MOB1A: variants seen among roughly 807,000 people sequenced by gnomAD.
MOB1A encodes MOB kinase activator 1A.
A neutral mutation model predicts 25.1 loss-of-function variants in MOB1A; 10 were observed. That is an observed-to-expected ratio of 0.40 (90% CI 0.25 to 0.68). MOB1A has a LOEUF of 0.68. Among genes scored for constraint, MOB1A ranks in the 30% least tolerant of loss-of-function variants. MOB1A has a pLI of 0.40. For missense variants in MOB1A, 177 were observed against 256.3 expected, an observed-to-expected ratio of 0.69 and a Z score of 2.11; for synonymous variants, 81 against 79.5, an observed-to-expected ratio of 1.02 and a Z score of -0.10.
At chr2:74,161,704 C>G (rs911005271) in intron 4 of MOB1A, among the ~76,000 whole-genome samples, 12 of 150,458 alleles carry the variant, frequency 8.0e-5, no homozygotes, top group African/African-American at 2.7e-4. Flanking sequence ...CCTGTAATCT[C>G]AAGCTCTTTG....
chr2:74,166,047 TTTC>T (rs1693120858), intron 3 of MOB1A, among the ~76,000 whole-genome samples: 1 of 152,108 alleles, frequency 6.6e-6, no homozygotes, highest in Admixed American at 6.5e-5. Context: ...AGGACAATCT[TTTC>T]TAAGAAGCAA....
intron 5 of MOB1A, among the ~76,000 whole-genome samples, chr2:74,157,389 T>C (rs1398703163): frequency 6.6e-6 from 1 of 152,128 alleles, no homozygotes; most frequent in Non-Finnish European, 1.5e-5. Flanking sequence ...TGTTCATCTG[T>C]ATCTTTTGTT....
intron 2 of MOB1A, among the ~76,000 whole-genome samples, chr2:74,170,335 T>G (rs1693252053): frequency 6.6e-6 from 1 of 151,832 alleles, no homozygotes. Context: ...GATGGGGTTT[T>G]ACCATGTTGG....
At chr2:74,160,135 C>T (rs939683060) in intron 4 of MOB1A, among the ~76,000 whole-genome samples, 1 of 152,210 alleles carries the variant, frequency 6.6e-6, no homozygotes, top group South Asian at 2.1e-4. Flanking sequence ...TTAAATGCAA[C>T]AAGAGTAAGT....
At chr2:74,178,627 G>C in intron 1 of MOB1A, 34 bp downstream of exon 1, 1 of 1,376,648 alleles carries the variant, frequency 7.3e-7, no homozygotes, top group Non-Finnish European at 9.5e-7. Flanking sequence ...ACCTCGGCCC[G>C]CAGGCCCGGC....
intron 5 of MOB1A, 59 bp from the exon 6 acceptor site, chr2:74,156,704 G>T: frequency 1.6e-6 from 2 of 1,250,396 alleles, no homozygotes; most frequent in Non-Finnish European, 2.3e-6. Context: ...CTCTGTAAAT[G>T]TCTTTTGGAG....
At position 74,178,749 on chromosome 2, in the gene MOB1A, C is replaced by A. The variant is rs1693553381; in HGVS notation, c.-75G>T. ...AGGATTCGGAGCTGGCTAGAGGGAG[C>A]GGACCGTCCTTAGCTCACGGGCAGC... On this transcript the variant is annotated 5_prime_UTR_variant, in exon 1 of 6. Coordinates refer to ENST00000396049, the MANE Select transcript of MOB1A (RefSeq NM_018221.5). 2 of 708,334 alleles carry A rather than the reference C, an allele frequency of 2.8e-6. No homozygotes were observed. Among genetic ancestry groups the A allele is most frequent in the African/African-American group, 3.8e-5 (2 of 53,324 alleles). The allele number at this position is 708,334 out of a possible 1,614,324, so 43.9% of individuals were successfully genotyped here. A position where few individuals can be genotyped will look rare whatever the true frequency, so the allele number is the denominator to read the frequency against.
At chr2:74,172,909 T>C in intron 1 of MOB1A, 157 bp from the exon 2 acceptor site, 1 of 733,776 alleles carries the variant, frequency 1.4e-6, no homozygotes, top group Non-Finnish European at 2.2e-6. Flanking sequence ...CCCAGCACTT[T>C]GGGATCACCT....
At chr2:74,158,315 C>A (rs1285759960) in intron 5 of MOB1A, among the ~76,000 whole-genome samples, 1 of 151,528 alleles carries the variant, frequency 6.6e-6, no homozygotes, top group Non-Finnish European at 1.5e-5. Flanking sequence ...TGGTACAGTA[C>A]ACAAAACTAT....
intron 2 of MOB1A, among the ~76,000 whole-genome samples, chr2:74,168,565 A>C (rs72917186): frequency 0.046 from 7,031 of 151,920 alleles, 540 homozygotes; most frequent in African/African-American, 0.16. Context: ...ATCCCTTGAG[A>C]CTAGGAGTTC....
chr2:74,159,794 G>A (rs1226998183), intron 4 of MOB1A, among the ~76,000 whole-genome samples: 1 of 150,902 alleles, frequency 6.6e-6, no homozygotes, highest in East Asian at 2.0e-4. Context: ...CAAAAATCCT[G>A]TAGTTTTAGT....
At chr2:74,158,868 C>T (rs188718632) in intron 5 of MOB1A, among the ~76,000 whole-genome samples, 1 of 152,012 alleles carries the variant, frequency 6.6e-6, no homozygotes, top group African/African-American at 2.4e-5. Context: ...AACCACAGAC[C>T]TAGGGTGGCC....
At position 74,165,162 on chromosome 2, in the gene MOB1A, T is replaced by C. The variant is rs906871843; in HGVS notation, c.409+56A>G. The C allele has an allele frequency of 5.9e-6, 8 of 1,352,686 alleles. No homozygotes were observed. In the African/African-American group the frequency reaches 1.2e-4, roughly 20 times the overall value. The allele number at this position is 1,352,686 out of a possible 1,614,324, so 83.8% of individuals were successfully genotyped here. A position where few individuals can be genotyped will look rare whatever the true frequency, so the allele number is the denominator to read the frequency against. Reference sequence around the variant, plus strand: ...CAGCAAACCCCCCCAACTCTATTTATATTAATAAAATAAAATTTTAAAAAA... The same window carrying C: ...CAGCAAACCCCCCCAACTCTATTTACATTAATAAAATAAAATTTTAAAAAA... On this transcript the variant is annotated intron_variant, in intron 4 of 5. Transcript: ENST00000396049.
At chr2:74,165,773 A>AT (rs1180799815) in intron 3 of MOB1A, among the ~76,000 whole-genome samples, 1 of 152,038 alleles carries the variant, frequency 6.6e-6, no homozygotes, top group Non-Finnish European at 1.5e-5. Flanking sequence ...GGTGTTAGAG[A>AT]TATACATTAG....
rs888690658 is a variant in MOB1A at position 74,156,493 on chromosome 2, G to A, written c.*75C>T. The A allele has an allele frequency of 2.8e-6, 3 of 1,062,496 alleles. No homozygotes were observed. Among genetic ancestry groups the A allele is most frequent in the African/African-American group, 1.6e-5 (1 of 63,184 alleles). 65.8% of individuals were successfully genotyped at this position (1,062,496 alleles called of 1,614,324 possible). On this transcript the variant is annotated 3_prime_UTR_variant, in exon 6 of 6. Coordinates refer to ENST00000396049, the MANE Select transcript of MOB1A (RefSeq NM_018221.5). ...TGTTTTCTTAAAGTTTGTATCACTA[G>A]TCTATAACAGATAGCAATGAGATAG...
chr2:74,163,271 T>A (rs1264470602), intron 4 of MOB1A, among the ~76,000 whole-genome samples: 1 of 152,188 alleles, frequency 6.6e-6, no homozygotes, highest in Non-Finnish European at 1.5e-5. Flanking sequence ...TTGTATACTT[T>A]AAAAATTCAA....
chr2:74,161,510 C>T (rs1303794253), intron 4 of MOB1A, among the ~76,000 whole-genome samples: 7 of 151,824 alleles, frequency 4.6e-5, no homozygotes, highest in Admixed American at 4.6e-4. Flanking sequence ...GGCGTGGTGG[C>T]GGCACCTGTA....
chr2:74,155,857 C>T lies in MOB1A; in HGVS notation c.*711G>A, dbSNP rs1692790693. The T allele has an allele frequency of 1.3e-5, 2 of 152,232 alleles. No individual in the cohort carries two copies. The highest frequency in any genetic ancestry group is 6.5e-5 in the Admixed American group (1 of 15,278). 9.4% of individuals were successfully genotyped at this position (152,232 alleles called of 1,614,324 possible). On this transcript the variant is annotated 3_prime_UTR_variant, in exon 6 of 6. Coordinates refer to ENST00000396049, the MANE Select transcript of MOB1A (RefSeq NM_018221.5). ...ATTAAAAAATTACTTCTGATACACACACTCCTAATAATTTAGATAGATATG... is the reference window on the plus strand; with the variant it reads ...ATTAAAAAATTACTTCTGATACACATACTCCTAATAATTTAGATAGATATG...
At chr2:74,163,962 G>T (rs924758868) in intron 4 of MOB1A, 2 of 151,902 alleles carry the variant, frequency 1.3e-5, no homozygotes, top group Non-Finnish European at 2.9e-5. Context: ...AAATATCCCA[G>T]AATAGCTGTG....
Sources: gnomAD v4.1 joint callset for allele counts (sites outside exome capture counted in the v4.1 genomes callset) on GRCh38, gnomAD v4.1.1 for gene constraint, MANE v1.5 for transcripts, NCBI Gene and HGNC (gene_info 2026-07-23, HGNC 2026-07-21) for gene names.